OSBPL8: variants seen among roughly 807,000 people sequenced by gnomAD.
OSBPL8 encodes the protein oxysterol-binding protein-related protein 8.
In OSBPL8, 59 loss-of-function variants were observed where a neutral mutation model predicts 125.5. The ratio of observed to expected loss-of-function variants is 0.47; its 90% CI spans 0.38 to 0.58. The LOEUF (loss-of-function observed/expected upper bound fraction) is 0.58, where lower values mean the gene tolerates loss of function less well. Ranked by LOEUF, OSBPL8 falls within the 20% of genes least tolerant of loss-of-function variation. OSBPL8 has a pLI of 0.00. For synonymous variants in OSBPL8, 330 were observed against 338.9 expected, an observed-to-expected ratio of 0.97 and a Z score of 0.29; for missense variants, 758 against 1,047.8, an observed-to-expected ratio of 0.72 and a Z score of 3.82.
intron 1 of OSBPL8, among the ~76,000 whole-genome samples, chr12:76,555,253 GA>G (rs1454122917): frequency 1.3e-5 from 2 of 151,958 alleles, no homozygotes; most frequent in Non-Finnish European, 2.9e-5. Context: ...ATTACGTAGA[GA>G]AAAAAAGCTT....
intron 21 of OSBPL8, among the ~76,000 whole-genome samples, chr12:76,366,923 A>G (rs1270863020): frequency 1.3e-5 from 2 of 152,114 alleles, no homozygotes; most frequent in East Asian, 3.9e-4. Flanking sequence ...CAACCAACTG[A>G]GTAGCTGGGA....
rs533485600 is a variant in OSBPL8 at position 76,529,067 on chromosome 12, G to T, written c.-68+30330C>A. 3.1e-3 allele frequency among the ~76,000 whole-genome samples: 456 copies of T among 148,160 alleles called. 1 individual carries two copies. Among genetic ancestry groups the T allele is most frequent in the African/African-American group, 0.011 (441 of 39,632 alleles). The stretch of plus-strand genomic sequence containing the variant: ...TTCATTTCAATCTTAGTTTTGTTTT[G>T]TTTTTTTTTAACTATGACAAAGCTA... On this transcript the variant is annotated intron_variant, in intron 1 of 23. Coordinates refer to ENST00000261183, the MANE Select transcript of OSBPL8 (RefSeq NM_020841.5).
intron 4 of OSBPL8, among the ~76,000 whole-genome samples, chr12:76,418,148 G>C (rs964565324): frequency 6.6e-6 from 1 of 150,710 alleles, no homozygotes; most frequent in African/African-American, 2.4e-5. Flanking sequence ...TGGGATTATA[G>C]GCACACACCA....
At chr12:76,453,617 G>T (rs1435327959) in intron 3 of OSBPL8, among the ~76,000 whole-genome samples, 2 of 151,878 alleles carry the variant, frequency 1.3e-5, no homozygotes, top group African/African-American at 4.8e-5. Flanking sequence ...AAGCAAAACT[G>T]GAAAATCTTT....
chr12:76,420,570 A>G (rs527804982), intron 4 of OSBPL8, among the ~76,000 whole-genome samples: 6 of 152,094 alleles, frequency 3.9e-5, no homozygotes, highest in African/African-American at 1.4e-4. Context: ...AAAAGAAAAA[A>G]ATATTTTTTT....
At position 76,369,631 on chromosome 12, in the gene OSBPL8, A is replaced by C; in HGVS notation, c.2240+6T>G. On this transcript the variant is annotated splice_donor_region_variant and intron_variant, in intron 20 of 23. Coordinates refer to ENST00000261183, the MANE Select transcript of OSBPL8 (RefSeq NM_020841.5). The stretch of plus-strand genomic sequence containing the variant: ...TGTTTGAAATAAACTATTTTAAGTT[A>C]CTTACTCTGCAAACTTGTAATGCCA... 1 of 1,609,384 alleles carries C rather than the reference A, an allele frequency of 6.2e-7. No homozygotes were observed. The highest frequency in any genetic ancestry group is 8.5e-7 in the Non-Finnish European group (1 of 1,176,152).
chr12:76,500,422 T>C (rs1879778395), intron 1 of OSBPL8, among the ~76,000 whole-genome samples: 1 of 152,200 alleles, frequency 6.6e-6, no homozygotes, highest in Admixed American at 6.5e-5. Flanking sequence ...CACGAAGGCT[T>C]CCTTGATTTC....
At position 76,373,616 on chromosome 12, in the gene OSBPL8, G is replaced by A. The variant is rs1398308682; in HGVS notation, c.1828-183C>T. 6.5e-6 allele frequency: 3 copies of A among 463,948 alleles called. No homozygotes were observed. In the East Asian group the frequency reaches 1.0e-4, roughly 16 times the overall value. The allele number at this position is 463,948 out of a possible 1,614,324, so 28.7% of individuals were successfully genotyped here. ...TGTTTAATAAGAAATCTGAATTGCT[G>A]CTATGAAAAAAATAGGATAAAACAA... On this transcript the variant is annotated intron_variant, in intron 17 of 23. Coordinates refer to ENST00000261183, the MANE Select transcript of OSBPL8 (RefSeq NM_020841.5).
intron 4 of OSBPL8, among the ~76,000 whole-genome samples, chr12:76,426,461 G>A (rs1870157366): frequency 6.6e-6 from 1 of 152,030 alleles, no homozygotes; most frequent in Non-Finnish European, 1.5e-5. Flanking sequence ...GTCTAGATAT[G>A]CATACATGAT....
intron 4 of OSBPL8, among the ~76,000 whole-genome samples, chr12:76,449,776 A>G (rs576792640): frequency 2.0e-5 from 3 of 152,208 alleles, no homozygotes; most frequent in Admixed American, 2.0e-4. Flanking sequence ...TTTCCAAATG[A>G]CTAATGCATG....
chr12:76,524,526 T>C (rs1416715408), intron 1 of OSBPL8, among the ~76,000 whole-genome samples: 1 of 152,104 alleles, frequency 6.6e-6, no homozygotes, highest in African/African-American at 2.4e-5. Context: ...GGTATAATAA[T>C]TGGAAAGTGT....
At chr12:76,430,633 AG>A (rs1216493257) in intron 4 of OSBPL8, among the ~76,000 whole-genome samples, 2 of 152,266 alleles carry the variant, frequency 1.3e-5, no homozygotes, top group Admixed American at 6.5e-5. Flanking sequence ...GAATACAGAT[AG>A]AAAATCTAAC....
At chr12:76,515,625 C>T (rs139743720) in intron 1 of OSBPL8, among the ~76,000 whole-genome samples, 1 of 152,096 alleles carries the variant, frequency 6.6e-6, no homozygotes, top group Non-Finnish European at 1.5e-5. Flanking sequence ...GCTTTGCACT[C>T]CTGGGCTGCC....
At chr12:76,537,603 G>A (rs1414637606) in intron 1 of OSBPL8, among the ~76,000 whole-genome samples, 1 of 152,046 alleles carries the variant, frequency 6.6e-6, no homozygotes, top group Non-Finnish European at 1.5e-5. Flanking sequence ...TTCACAATGA[G>A]AAATAAAATA....
At chr12:76,466,163 C>T (rs1359789898) in intron 2 of OSBPL8, among the ~76,000 whole-genome samples, 1 of 152,048 alleles carries the variant, frequency 6.6e-6, no homozygotes, top group Non-Finnish European at 1.5e-5. Flanking sequence ...AAAATATCAA[C>T]AGTAGTTAAC....
At chr12:76,375,520 A>G (rs1952784942) in intron 16 of OSBPL8, 150 bp from the exon 17 acceptor site, 2 of 564,180 alleles carry the variant, frequency 3.5e-6, no homozygotes, top group Non-Finnish European at 3.1e-6. Flanking sequence ...ATAGACATAC[A>G]GTTGGTTCTG....
At chr12:76,497,922 A>G (rs547297692) in intron 1 of OSBPL8, among the ~76,000 whole-genome samples, 1 of 152,162 alleles carries the variant, frequency 6.6e-6, no homozygotes, top group Non-Finnish European at 1.5e-5. Context: ...ATTTATATAG[A>G]TTGTTTTTGT....
intron 4 of OSBPL8, among the ~76,000 whole-genome samples, chr12:76,424,379 CACTAAT>C (rs1281914387): frequency 6.6e-6 from 1 of 152,124 alleles, no homozygotes; most frequent in African/African-American, 2.4e-5. Flanking sequence ...ATAAGTTTAC[CACTAAT>C]ACCCATAACT....
intron 3 of OSBPL8, among the ~76,000 whole-genome samples, chr12:76,455,361 T>A (rs978503450): frequency 1.3e-5 from 2 of 152,176 alleles, no homozygotes; most frequent in Admixed American, 6.5e-5. Context: ...ATGACACATA[T>A]TCTTTTGTAT....
Sources: gnomAD v4.1 joint callset for allele counts (sites outside exome capture counted in the v4.1 genomes callset) on GRCh38, gnomAD v4.1.1 for gene constraint, MANE v1.5 for transcripts, NCBI Gene and HGNC (gene_info 2026-07-23, HGNC 2026-07-21) for gene names.